FNDC3A: variants seen among roughly 807,000 people sequenced by gnomAD.
FNDC3A encodes the protein fibronectin type-III domain-containing protein 3A.
Under a neutral mutation model 148.9 loss-of-function variants are expected in FNDC3A, and 32 were observed. The ratio of observed to expected loss-of-function variants is 0.21; its 90% CI spans 0.16 to 0.29. The LOEUF (loss-of-function observed/expected upper bound fraction) is 0.29, where lower values mean the gene tolerates loss of function less well. FNDC3A is among the 10% of genes least tolerant of loss of function. The pLI is 1.00. For synonymous variants in FNDC3A, 472 were observed against 473.6 expected (o/e 1.00, Z 0.04); for missense variants, 1,191 against 1,452.8 (o/e 0.82, Z 2.93).
At chr13:49,089,705 G>T (rs917694117) in intron 3 of FNDC3A, among the ~76,000 whole-genome samples, 1 of 152,088 alleles carries the variant, frequency 6.6e-6, no homozygotes, top group African/African-American at 2.4e-5. Flanking sequence ...TTGGTAAGAG[G>T]TCTCCAACCT....
chr13:49,142,836 C>G (rs1882766280), intron 7 of FNDC3A, among the ~76,000 whole-genome samples: 1 of 152,162 alleles, frequency 6.6e-6, no homozygotes. Context: ...CTTTCTGTGA[C>G]TTAACATATA....
intron 3 of FNDC3A, among the ~76,000 whole-genome samples, chr13:49,081,066 A>G (rs1460214804): frequency 6.6e-6 from 1 of 152,342 alleles, no homozygotes; most frequent in East Asian, 1.9e-4. Context: ...TTGAGCATTT[A>G]TATGTGTCAA....
At chr13:49,195,331 G>A (rs1306403997) in intron 19 of FNDC3A, among the ~76,000 whole-genome samples, 1 of 152,016 alleles carries the variant, frequency 6.6e-6, no homozygotes, top group Non-Finnish European at 1.5e-5. Flanking sequence ...ATTAGCCTGA[G>A]GTATTAATGA....
intron 3 of FNDC3A, chr13:49,095,258 G>A (rs1444327074): frequency 6.6e-6 from 1 of 151,836 alleles, no homozygotes; most frequent in Non-Finnish European, 1.5e-5. Context: ...GACATATGAA[G>A]GTTATCAACA....
At chr13:49,088,800 A>G (rs1383661618) in intron 3 of FNDC3A, among the ~76,000 whole-genome samples, 1 of 152,060 alleles carries the variant, frequency 6.6e-6, no homozygotes, top group Non-Finnish European at 1.5e-5. Flanking sequence ...CGTAGCCTCA[A>G]GTGATTCTCC....
intron 2 of FNDC3A, among the ~76,000 whole-genome samples, chr13:49,062,166 C>G (rs914795110): frequency 2.6e-4 from 39 of 152,072 alleles, no homozygotes; most frequent in African/African-American, 8.9e-4. Context: ...ACAAAATGAT[C>G]AAACCTTACA....
intron 2 of FNDC3A, among the ~76,000 whole-genome samples, chr13:49,030,000 C>A (rs1380607773): frequency 6.6e-6 from 1 of 152,058 alleles, no homozygotes; most frequent in East Asian, 1.9e-4. Flanking sequence ...AAGTCCAGAC[C>A]CAGATGGCTT....
intron 2 of FNDC3A, among the ~76,000 whole-genome samples, chr13:49,021,977 G>A (rs539580104): frequency 2.0e-5 from 3 of 152,104 alleles, no homozygotes; most frequent in Admixed American, 6.5e-5. Context: ...TCATATGACT[G>A]TATATATAGA....
chr13:49,158,406 C>T (rs922169347), intron 8 of FNDC3A, among the ~76,000 whole-genome samples: 9 of 152,238 alleles, frequency 5.9e-5, no homozygotes, highest in African/African-American at 1.7e-4. Flanking sequence ...GCTCACTGAC[C>T]TGCGCCCACT....
At chr13:49,066,651 A>G (rs1877282667) in intron 2 of FNDC3A, among the ~76,000 whole-genome samples, 1 of 152,214 alleles carries the variant, frequency 6.6e-6, no homozygotes, top group Non-Finnish European at 1.5e-5. Flanking sequence ...AGTCAAGATC[A>G]GAGATACTTC....
intron 2 of FNDC3A, among the ~76,000 whole-genome samples, chr13:49,070,581 A>G (rs1877586922): frequency 1.3e-5 from 2 of 152,306 alleles, no homozygotes; most frequent in East Asian, 3.9e-4. Flanking sequence ...AAACACAACA[A>G]TCTTCTAGCT....
At chr13:49,070,884 T>TC (rs1877621777) in intron 2 of FNDC3A, among the ~76,000 whole-genome samples, 1 of 144,032 alleles carries the variant, frequency 6.9e-6, no homozygotes, top group Non-Finnish European at 1.5e-5. Flanking sequence ...AGGATTTCTT[T>TC]TTTTTTTTTG....
At chr13:48,987,380 G>T (rs2137558167) in intron 1 of FNDC3A, among the ~76,000 whole-genome samples, 1 of 152,308 alleles carries the variant, frequency 6.6e-6, no homozygotes, top group South Asian at 2.1e-4. Flanking sequence ...TTCCTGACTG[G>T]AAGTATCTTT....
intron 1 of FNDC3A, among the ~76,000 whole-genome samples, chr13:48,984,340 T>C (rs1252594373): frequency 6.6e-6 from 1 of 152,122 alleles, no homozygotes; most frequent in Non-Finnish European, 1.5e-5. Flanking sequence ...GGTTCAAGTT[T>C]TGAGAAGGGA....
intron 8 of FNDC3A, among the ~76,000 whole-genome samples, chr13:49,156,697 C>G (rs1299518276): frequency 2.1e-4 from 32 of 150,502 alleles, no homozygotes; most frequent in Non-Finnish European, 7.4e-5. Flanking sequence ...CCTTCAGAAG[C>G]TCTTTTAGGG....
At chr13:49,127,095 A>G (rs989340947) in intron 4 of FNDC3A, among the ~76,000 whole-genome samples, 2 of 152,194 alleles carry the variant, frequency 1.3e-5, no homozygotes, top group Admixed American at 6.5e-5. Context: ...CTGTAACACA[A>G]ACTTTCCTGC....
rs557252188 is a variant in FNDC3A, at chr13:49,185,879, T to G, written c.1618-85T>G. On this transcript the variant is annotated intron_variant, in intron 14 of 25. Transcript: ENST00000492622. ...ATGTATTTTATCATTTGGTTGAAGC[T>G]GTTTGTCTCCTATCACTTTGTTTAT... is the stretch of plus-strand genomic sequence containing the variant. 10 of 1,048,290 alleles carry G rather than the reference T, an allele frequency of 9.5e-6. No homozygotes were observed. The African/African-American group carries it at 1.6e-4, about 17-fold the overall frequency. The allele number at this position is 1,048,290 out of a possible 1,614,324, so 64.9% of individuals were successfully genotyped here. A position where few individuals can be genotyped will look rare whatever the true frequency, so the allele number is the denominator to read the frequency against.
At chr13:49,018,400 C>T (rs918040295) in intron 2 of FNDC3A, among the ~76,000 whole-genome samples, 98 of 152,266 alleles carry the variant, frequency 6.4e-4, no homozygotes, top group African/African-American at 2.0e-3. Flanking sequence ...GCATCGGCTC[C>T]TGAGGCTTCT....
chr13:49,165,342 G>C (rs190294872), intron 8 of FNDC3A, among the ~76,000 whole-genome samples: 1 of 152,264 alleles, frequency 6.6e-6, no homozygotes, highest in African/African-American at 2.4e-5. Flanking sequence ...ACTTTTTCCT[G>C]AAGATGCATC....
Sources: allele counts gnomAD v4.1 joint callset (sites outside exome capture counted in the v4.1 genomes callset), GRCh38; gene constraint gnomAD v4.1.1; transcripts MANE v1.5; gene names NCBI Gene and HGNC (gene_info 2026-07-23, HGNC 2026-07-21).